Variants in ZNF547 observed in about 807,000 individuals in gnomAD.
ZNF547 encodes zinc finger protein 547.
In ZNF547, 4 loss-of-function variants were observed where a neutral mutation model predicts 7.7. The ratio of observed to expected loss-of-function variants is 0.52; its 90% CI spans 0.26 to 1.20. ZNF547 has a LOEUF of 1.20. ZNF547 is among the 50% of genes most tolerant of loss of function. The pLI is 0.14. For missense variants in ZNF547, 449 were observed against 485.8 expected, an observed-to-expected ratio of 0.92 and a Z score of 0.71; for synonymous variants, 166 against 166.2, an observed-to-expected ratio of 1.00 and a Z score of 0.01.
intron 1 of ZNF547, among the ~76,000 whole-genome samples, chr19:57,366,547 G>GTTT (rs34507280): frequency 1.1e-5 from 1 of 90,432 alleles, no homozygotes; most frequent in African/African-American, 4.6e-5. Flanking sequence ...CAGATAAATT[G>GTTT]TTTTTTTTTT....
At chr19:57,374,336 G>C (rs2088523573) in intron 3 of ZNF547, among the ~76,000 whole-genome samples, 2 of 152,230 alleles carry the variant, frequency 1.3e-5, no homozygotes, top group African/African-American at 4.8e-5. Context: ...GGGGGACCCA[G>C]GGCCAGCAGC....
At chr19:57,374,624 C>T (rs2123020756) in intron 3 of ZNF547, among the ~76,000 whole-genome samples, 1 of 152,350 alleles carries the variant, frequency 6.6e-6, no homozygotes, top group East Asian at 1.9e-4. Flanking sequence ...ACTTTTCTGC[C>T]TTGCTTCCTC....
Position 57,377,740 on chromosome 19 carries a change from T to A in ZNF547, c.764T>A (p.Leu255His), listed in dbSNP as rs760415497. The change falls in exon 4 of 4, where the codon CTC becomes CAC. Residue 255 changes from leucine (L) to histidine (H), a missense_variant. Coordinates refer to ENST00000282282, the MANE Select transcript of ZNF547 (RefSeq NM_173631.4). ...AAATTGTTTATGTGGAGTTCCACAC[T>A]CATTACACATCAGAGGGTTCACACT... The part of the protein sequence containing the change: ...CGKLFMWSST[L>H]ITHQRVHTGK... The A allele has an allele frequency of 9.9e-6, 16 of 1,614,098 alleles. No individual in the cohort carries two copies. In the African/African-American group the frequency reaches 1.3e-4, roughly 13 times the overall value.
At chr19:57,369,957 A>G (rs2088494881) in intron 2 of ZNF547, among the ~76,000 whole-genome samples, 2 of 122,002 alleles carry the variant, frequency 1.6e-5, no homozygotes, top group Non-Finnish European at 3.2e-5. Context: ...CAGTGGCACA[A>G]TCTCGGCTCA....
chr19:57,373,174 C>A (rs533131026), intron 3 of ZNF547, among the ~76,000 whole-genome samples: 15 of 152,074 alleles, frequency 9.9e-5, no homozygotes, highest in Non-Finnish European at 1.9e-4. Flanking sequence ...ACAGTCATGG[C>A]GGAAGGCAAA....
At chr19:57,367,216 T>C (rs185610659) in intron 1 of ZNF547, among the ~76,000 whole-genome samples, 4 of 152,324 alleles carry the variant, frequency 2.6e-5, no homozygotes, top group Non-Finnish European at 5.9e-5. Flanking sequence ...AATTGTCTGT[T>C]TGTTCCTATG....
intron 2 of ZNF547, among the ~76,000 whole-genome samples, chr19:57,369,322 A>G (rs1184074362): frequency 2.0e-5 from 3 of 152,094 alleles, no homozygotes; most frequent in African/African-American, 7.2e-5. Flanking sequence ...GAGTGGCCCC[A>G]TGGTTTTTGT....
intron 3 of ZNF547, 24 bp from the exon 4 acceptor site, chr19:57,377,104 T>C: frequency 6.3e-7 from 1 of 1,599,150 alleles, no homozygotes; most frequent in Non-Finnish European, 8.5e-7. Flanking sequence ...AACATGCACC[T>C]CACCAGCATT....
rs1286552694 is a variant in ZNF547 at position 57,378,121 on chromosome 19, A to C, written c.1145A>C (p.Glu382Ala). Reference sequence around the variant, plus strand: ...CACACTGCAGCAAAGCAGTGCAGTGAATGTGGGAAATTCTTTAGGTATAAC... The same window carrying C: ...CACACTGCAGCAAAGCAGTGCAGTGCATGTGGGAAATTCTTTAGGTATAAC... ...TVHTAAKQCS[E>A]CGKFFRYNST... Residue 382 changes from glutamate to alanine, a missense_variant, in exon 4 of 4, where the codon GAA becomes GCA. By Grantham distance (107) the Glu-to-Ala change is moderately radical. Coordinates refer to ENST00000282282, the MANE Select transcript of ZNF547 (RefSeq NM_173631.4). 1.2e-6 allele frequency: 2 copies of C among 1,613,872 alleles called. No individual in the cohort carries two copies. The highest frequency in any genetic ancestry group is 1.7e-6 in the Non-Finnish European group (2 of 1,179,728).
chr19:57,366,202 T>C (rs958369452), intron 1 of ZNF547, among the ~76,000 whole-genome samples: 1 of 148,866 alleles, frequency 6.7e-6, no homozygotes, highest in Admixed American at 6.7e-5. Context: ...ATAAGCTTTT[T>C]TGTGTGTGTG....
chr19:57,370,391 G>A (rs1387480360), intron 2 of ZNF547, among the ~76,000 whole-genome samples: 2 of 152,306 alleles, frequency 1.3e-5, no homozygotes, highest in Admixed American at 6.5e-5. Context: ...GGGAACTTTG[G>A]TGTTCTGGGG....
intron 1 of ZNF547, among the ~76,000 whole-genome samples, chr19:57,367,770 GT>G (rs2088479935): frequency 1.3e-5 from 2 of 152,218 alleles, no homozygotes; most frequent in Non-Finnish European, 2.9e-5. Flanking sequence ...AAAGAAAAAA[GT>G]TATCCAGGCT....
chr19:57,377,568 A>C lies in ZNF547; in HGVS notation c.592A>C (p.Thr198Pro). 1 of 1,614,254 alleles carries C rather than the reference A, an allele frequency of 6.2e-7. No homozygotes were observed. Among genetic ancestry groups the C allele is most frequent in the Non-Finnish European group, 8.5e-7 (1 of 1,180,048 alleles). ...TGGGATATTGTTTATGGAAAGGTCC[A>C]CACTCAATAGACATCAGAGAACTCA... ...KCGILFMERS[T>P]LNRHQRTHTG... The change falls in exon 4 of 4, where the codon ACA becomes CCA. Residue 198 changes from threonine (T) to proline (P), a missense_variant. Coordinates refer to ENST00000282282, the MANE Select transcript of ZNF547 (RefSeq NM_173631.4).
chr19:57,375,272 C>T (rs1050934291), intron 3 of ZNF547, among the ~76,000 whole-genome samples: 1 of 152,010 alleles, frequency 6.6e-6, no homozygotes, highest in African/African-American at 2.4e-5. Flanking sequence ...ATCACTTGCA[C>T]CCAGGGGGTG....
chr19:57,365,452 T>A (rs1832035114), intron 1 of ZNF547: 1 of 546,194 alleles, frequency 1.8e-6, no homozygotes, highest in Admixed American at 3.5e-5. Context: ...AATTAGTATT[T>A]CCTTGTGAAC....
intron 2 of ZNF547, chr19:57,371,494 A>T: frequency 3.0e-6 from 1 of 328,112 alleles, no homozygotes; most frequent in Non-Finnish European, 5.5e-6. Context: ...TAGTTTGGCT[A>T]GTTTTAGTAA....
chr19:57,375,289 G>A (rs2088529030), intron 3 of ZNF547, among the ~76,000 whole-genome samples: 1 of 152,106 alleles, frequency 6.6e-6, no homozygotes, highest in Non-Finnish European at 1.5e-5. Context: ...GGTGGAAGTT[G>A]CAATGAGCTG....
intron 1 of ZNF547, among the ~76,000 whole-genome samples, chr19:57,366,411 T>C (rs958443471): frequency 6.6e-6 from 1 of 151,008 alleles, no homozygotes; most frequent in African/African-American, 2.4e-5. Context: ...GGTTTCGCCA[T>C]TTTGGCCAGG....
rs183496361 is a variant in ZNF547, at chr19:57,364,556, C to T, written c.-13+853C>T. 185 of 484,286 alleles carry T rather than the reference C, an allele frequency of 3.8e-4. 3 individuals carry two copies. In the East Asian group the frequency reaches 6.7e-3, roughly 18 times the overall value. The allele number at this position is 484,286 out of a possible 1,614,324, so 30.0% of individuals were successfully genotyped here. A position where few individuals can be genotyped will look rare whatever the true frequency, so the allele number is the denominator to read the frequency against. Reference sequence around the variant, plus strand: ...AGGCGTTCAAGACCAGCCTGACCAACATGGTGAAACCCCGTCTTTAGTAAA... The same window carrying T: ...AGGCGTTCAAGACCAGCCTGACCAATATGGTGAAACCCCGTCTTTAGTAAA... On this transcript the variant is annotated intron_variant, in intron 1 of 3. Transcript: ENST00000282282.
Sources: gnomAD v4.1 joint callset for allele counts (sites outside exome capture counted in the v4.1 genomes callset) on GRCh38, gnomAD v4.1.1 for gene constraint, MANE v1.5 for transcripts, NCBI Gene and HGNC (gene_info 2026-07-23, HGNC 2026-07-21) for gene names.